Variants in CCSER1 observed in about 807,000 individuals in gnomAD.
The protein encoded by CCSER1 is coiled-coil serine rich protein 1.
In CCSER1, 41 loss-of-function variants were observed where a neutral mutation model predicts 82.0. That is an observed-to-expected ratio of 0.50 (90% CI 0.39 to 0.65). The LOEUF (loss-of-function observed/expected upper bound fraction) is 0.65. Ranked by LOEUF, CCSER1 falls within the 30% of genes least tolerant of loss-of-function variation. CCSER1 has a pLI of 0.00. For missense variants in CCSER1, 1,119 were observed against 1,064.2 expected, an observed-to-expected ratio of 1.05 and a Z score of -0.72; for synonymous variants, 414 against 383.9, an observed-to-expected ratio of 1.08 and a Z score of -0.92.
Position 91,598,779 on chromosome 4 carries a change from A to G in CCSER1, c.2425A>G (p.Thr809Ala). 1 of 1,551,656 alleles carries G rather than the reference A, an allele frequency of 6.4e-7. No individual in the cohort carries two copies. The highest frequency in any genetic ancestry group is 8.7e-7 in the Non-Finnish European group (1 of 1,146,932). Reference sequence around the variant, plus strand: ...AGAAGTTATCAAACATTCAAGAGGAACTTATGAAACCCTCACTTCAGACGT... The same window carrying G: ...AGAAGTTATCAAACATTCAAGAGGAGCTTATGAAACCCTCACTTCAGACGT... ...LAEVIKHSRG[T>A]YETLTSDVTQ... is the part of the protein sequence containing the mutation. Residue 809 changes from threonine (T) to alanine (A), a missense_variant, in exon 11 of 11, where the codon ACT (threonine) becomes GCT (alanine). By Grantham distance (58) the Thr-to-Ala change is moderately conservative (BLOSUM62 0). Coordinates refer to ENST00000509176, the MANE Select transcript of CCSER1 (RefSeq NM_001145065.2).
chr4:90,364,167 C>A (rs1391042168), intron 3 of CCSER1, among the ~76,000 whole-genome samples: 3 of 151,742 alleles, frequency 2.0e-5, no homozygotes, highest in Non-Finnish European at 4.4e-5. Context: ...ACATTTTTAC[C>A]CTGAAATAGA....
At chr4:91,560,024 G>A (rs1407273605) in intron 10 of CCSER1, among the ~76,000 whole-genome samples, 3 of 151,406 alleles carry the variant, frequency 2.0e-5, no homozygotes, top group Admixed American at 1.3e-4. Flanking sequence ...ATTGACAGAT[G>A]AGTAGGTAAA....
intron 5 of CCSER1, among the ~76,000 whole-genome samples, chr4:90,562,990 T>C (rs2153648790): frequency 6.6e-6 from 1 of 152,168 alleles, no homozygotes; most frequent in South Asian, 2.1e-4. Context: ...ATAAAACTAA[T>C]ATTGAATTTC....
At chr4:91,456,796 AAATACT>A (rs774625524) in intron 10 of CCSER1, among the ~76,000 whole-genome samples, 7 of 152,156 alleles carry the variant, frequency 4.6e-5, no homozygotes, top group African/African-American at 7.2e-5. Context: ...AGACCCACTA[AAATACT>A]AATACTGATA....
intron 10 of CCSER1, among the ~76,000 whole-genome samples, chr4:91,348,622 G>A (rs747120104): frequency 1.2e-4 from 19 of 152,118 alleles, no homozygotes; most frequent in Non-Finnish European, 2.8e-4. Context: ...ATTATTTACT[G>A]ATCCAATTTT....
intron 10 of CCSER1, among the ~76,000 whole-genome samples, chr4:91,542,757 G>A (rs1451516496): frequency 6.6e-6 from 1 of 152,172 alleles, no homozygotes; most frequent in Non-Finnish European, 1.5e-5. Flanking sequence ...GTGATGTGGT[G>A]CTGAGAAGAA....
At chr4:91,345,555 C>A (rs1747999341) in intron 10 of CCSER1, among the ~76,000 whole-genome samples, 2 of 151,948 alleles carry the variant, frequency 1.3e-5, no homozygotes, top group South Asian at 2.1e-4. Context: ...TAATTTATTT[C>A]TAAAATGAGC....
intron 10 of CCSER1, among the ~76,000 whole-genome samples, chr4:91,182,052 T>C (rs945401980): frequency 6.6e-6 from 1 of 152,188 alleles, no homozygotes; most frequent in Non-Finnish European, 1.5e-5. Context: ...CCACTTTTGT[T>C]AGGTTGTCTT....
Position 90,494,045 on chromosome 4 carries a change from G to A in CCSER1, c.1724+25691G>A, listed in dbSNP as rs1488683969. Among the ~76,000 whole-genome samples, 3 of 152,110 alleles carry A rather than the reference G, an allele frequency of 2.0e-5. No individual in the cohort carries two copies. In the East Asian group the frequency reaches 5.8e-4, roughly 29 times the overall value. ...ATCTCATGTGCAGAGACACACATAGGCTCAAAATAAAGGGATGGAGGAAGA... is the reference window on the plus strand; with the variant it reads ...ATCTCATGTGCAGAGACACACATAGACTCAAAATAAAGGGATGGAGGAAGA... On this transcript the variant is annotated intron_variant, in intron 5 of 10. Coordinates refer to ENST00000509176, the MANE Select transcript of CCSER1 (RefSeq NM_001145065.2).
chr4:90,650,129 G>A (rs111326332), intron 6 of CCSER1, among the ~76,000 whole-genome samples: 1 of 151,894 alleles, frequency 6.6e-6, no homozygotes, highest in African/African-American at 2.4e-5. Flanking sequence ...AGGCAGGAGA[G>A]TTGCTTGAAC....
At chr4:90,664,082 A>C (rs2149109154) in intron 6 of CCSER1, 1 of 161,476 alleles carries the variant, frequency 6.2e-6, no homozygotes, top group African/African-American at 2.4e-5. Context: ...TTATACAAAT[A>C]ACTGTTTTGG....
intron 1 of CCSER1, among the ~76,000 whole-genome samples, chr4:90,281,259 A>T (rs1307234512): frequency 1.3e-5 from 2 of 152,066 alleles, no homozygotes; most frequent in Non-Finnish European, 2.9e-5. Flanking sequence ...ACACATGCAC[A>T]CAAAGAAAGA....
intron 7 of CCSER1, among the ~76,000 whole-genome samples, chr4:90,772,353 GAGACC>G (rs1431645345): frequency 1.3e-5 from 2 of 152,016 alleles, no homozygotes; most frequent in East Asian, 3.9e-4. Context: ...TATAAAAATT[GAGACC>G]AGTTTTTGAG....
chr4:91,191,535 T>C (rs1381765740), intron 10 of CCSER1, among the ~76,000 whole-genome samples: 1 of 152,120 alleles, frequency 6.6e-6, no homozygotes, highest in African/African-American at 2.4e-5. Flanking sequence ...AAGCTGAAAA[T>C]GCCAGATACT....
intron 3 of CCSER1, among the ~76,000 whole-genome samples, chr4:90,338,808 G>C (rs1293926477): frequency 6.6e-6 from 1 of 152,102 alleles, no homozygotes; most frequent in East Asian, 1.9e-4. Flanking sequence ...TGACTGTTCA[G>C]CTATTCCACA....
chr4:90,246,880 T>C (rs1349540142), intron 1 of CCSER1, among the ~76,000 whole-genome samples: 1 of 152,154 alleles, frequency 6.6e-6, no homozygotes, highest in Non-Finnish European at 1.5e-5. Flanking sequence ...TTTCTTTCTT[T>C]ATTAGGTTGA....
intron 10 of CCSER1, among the ~76,000 whole-genome samples, chr4:91,331,068 C>G (rs1295426636): frequency 6.6e-6 from 1 of 151,990 alleles, no homozygotes; most frequent in African/African-American, 2.4e-5. Flanking sequence ...TTTCAGACAT[C>G]CACTGGGGGT....
At chr4:91,431,543 C>G (rs377640017) in intron 10 of CCSER1, among the ~76,000 whole-genome samples, 2 of 152,032 alleles carry the variant, frequency 1.3e-5, no homozygotes, top group Non-Finnish European at 2.9e-5. Flanking sequence ...TCTTGGCTCA[C>G]GGCAACCTCT....
At chr4:90,929,340 C>G (rs1400441136) in intron 9 of CCSER1, among the ~76,000 whole-genome samples, 1 of 151,944 alleles carries the variant, frequency 6.6e-6, no homozygotes, top group Non-Finnish European at 1.5e-5. Flanking sequence ...TTGCTATATA[C>G]TATATTATTT....
Sources: allele counts gnomAD v4.1 joint callset (sites outside exome capture counted in the v4.1 genomes callset), GRCh38; gene constraint gnomAD v4.1.1; transcripts MANE v1.5; gene names NCBI Gene and HGNC (gene_info 2026-07-23, HGNC 2026-07-21).